Variants in CACNA1C observed in about 807,000 individuals in gnomAD.
CACNA1C encodes the protein calcium voltage-gated channel subunit alpha1 C.
A neutral mutation model predicts 229.0 loss-of-function variants in CACNA1C; 30 were observed. The ratio of observed to expected loss-of-function variants is 0.13; its 90% CI spans 0.10 to 0.18. The LOEUF (loss-of-function observed/expected upper bound fraction) is 0.18. Ranked by LOEUF, CACNA1C falls within the 10% of genes least tolerant of loss-of-function variation. The pLI, the probability that CACNA1C is intolerant of heterozygous loss-of-function variation, is 1.00. For missense variants in CACNA1C, 1,658 were observed against 2,845.0 expected (o/e 0.58, Z 9.49); for synonymous variants, 1,114 against 1,132.5 (o/e 0.98, Z 0.33).
At chr12:2,030,129 A>G (rs1012434994) in intron 1 of CACNA1C, among the ~76,000 whole-genome samples, 1 of 152,230 alleles carries the variant, frequency 6.6e-6, no homozygotes, top group Non-Finnish European at 1.5e-5. Flanking sequence ...AATATGTCAC[A>G]GTGTCATTTT....
chr12:2,585,938 G>C lies in CACNA1C; in HGVS notation c.2530+34G>C. The C allele has an allele frequency of 3.6e-6, 5 of 1,371,416 alleles. No homozygotes were observed. Among genetic ancestry groups the C allele is most frequent in the Non-Finnish European group, 5.0e-6 (5 of 990,246 alleles). 85.0% of individuals were successfully genotyped at this position (1,371,416 alleles called of 1,614,324 possible). ...CCCACTGCCTAACCTGGGATTGGGA[G>C]ATTGGGGGCAGAGATCTAAATTCTA... On this transcript the variant is annotated intron_variant, in intron 18 of 46. Coordinates refer to ENST00000399655, the MANE Select transcript of CACNA1C (RefSeq NM_000719.7). The surrounding 1 kb of genome is among the most constrained non-coding windows in gnomAD (Gnocchi z 4.1).
At chr12:2,550,912 G>C (rs2099899903) in intron 10 of CACNA1C, among the ~76,000 whole-genome samples, 1 of 152,240 alleles carries the variant, frequency 6.6e-6, no homozygotes, top group African/African-American at 2.4e-5. Flanking sequence ...TGGAGCTTCA[G>C]TATCACTCAC....
At chr12:2,089,531 G>A (rs1424553229) in intron 1 of CACNA1C, among the ~76,000 whole-genome samples, 7 of 152,294 alleles carry the variant, frequency 4.6e-5, no homozygotes, top group South Asian at 4.1e-4. Context: ...GCAACAGAGC[G>A]TGGTGACAGG....
In CACNA1C at chr12:2,409,237, A is replaced by C. The variant is rs559560868; in HGVS notation, c.478-39739A>C. Among the ~76,000 whole-genome samples the C allele has an allele frequency of 2.5e-4, 38 of 152,308 alleles. No individual in the cohort carries two copies. The South Asian group carries it at 7.5e-3, about 30-fold the overall frequency. On this transcript the variant is annotated intron_variant, in intron 3 of 46. Transcript: ENST00000399655. ...ACCCTGGTAAAAGCAATGGGCTTTG[A>C]ATTGGGATGTTTGGGTTCCGACCTA...
rs373508766 is a variant in CACNA1C, at chr12:2,565,329, C to T, written c.1509-1093C>T. Among the ~76,000 whole-genome samples, 243 of 151,666 alleles carry T rather than the reference C, an allele frequency of 1.6e-3. 1 individual carries two copies. The highest frequency in any genetic ancestry group is 9.8e-3 in the South Asian group (47 of 4,776). On this transcript the variant is annotated intron_variant, in intron 11 of 46. Transcript: ENST00000399655. ...AAAAATACAAAAAATTAGCCGGGCG[C>T]GGTGGCGGGCGCCTGTAGTCCCAGC... is the stretch of plus-strand genomic sequence containing the variant.
chr12:2,126,689 G>T (rs2090195456), intron 3 of CACNA1C, among the ~76,000 whole-genome samples: 1 of 152,184 alleles, frequency 6.6e-6, no homozygotes, highest in Non-Finnish European at 1.5e-5. Context: ...CGTCAGAGGG[G>T]CTTGAGCTAG....
chr12:2,563,755 C>G (rs1665185511), intron 11 of CACNA1C, among the ~76,000 whole-genome samples: 2 of 152,234 alleles, frequency 1.3e-5, no homozygotes, highest in South Asian at 4.1e-4. Flanking sequence ...TCCGTAACAG[C>G]CCAGGTTGGC....
At chr12:2,558,452 T>TTTACCTCTATACCTCAGCTGAGGACATG (rs2045723244) in intron 11 of CACNA1C, among the ~76,000 whole-genome samples, 3 of 152,238 alleles carry the variant, frequency 2.0e-5, no homozygotes, top group African/African-American at 4.8e-5. Context: ...GTTGGCCCAC[T>TTTACCTCTATACCTCAGCTGAGGACATG]GACTTTAGCA....
intron 1 of CACNA1C, among the ~76,000 whole-genome samples, chr12:2,063,271 T>C (rs1488547095): frequency 1.3e-5 from 2 of 151,876 alleles, no homozygotes; most frequent in Non-Finnish European, 2.9e-5. Flanking sequence ...CCTGCCTCAG[T>C]CTCCTGAGTA....
intron 4 of CACNA1C, among the ~76,000 whole-genome samples, chr12:2,451,662 G>C (rs1011601408): frequency 6.6e-6 from 1 of 152,150 alleles, no homozygotes; most frequent in South Asian, 2.1e-4. Flanking sequence ...CCTCACCTGC[G>C]GTCTGTCTGG....
chr12:2,654,331 G>A lies in CACNA1C; in HGVS notation c.4140+431G>A, dbSNP rs957084875. 6.6e-6 allele frequency among the ~76,000 whole-genome samples: 1 copy of A among 152,200 alleles called. No individual in the cohort carries two copies. Among genetic ancestry groups the A allele is most frequent in the African/African-American group, 2.4e-5 (1 of 41,454 alleles). ...CCAACCAGATTCATTTGAAGCTAATGGCTGAGAGGGAGGGAGGGAAGAAGG... is the reference window on the plus strand; with the variant it reads ...CCAACCAGATTCATTTGAAGCTAATAGCTGAGAGGGAGGGAGGGAAGAAGG... On this transcript the variant is annotated intron_variant, in intron 33 of 46. Transcript: ENST00000399655. The surrounding 1 kb of genome is among the most constrained non-coding windows in gnomAD (Gnocchi z 4.4).
intron 34 of CACNA1C, among the ~76,000 whole-genome samples, chr12:2,656,924 G>A (rs1208545851): frequency 2.0e-5 from 3 of 151,882 alleles, no homozygotes; most frequent in Non-Finnish European, 4.4e-5. Flanking sequence ...ATTAACAAAA[G>A]TATATATGTA....
chr12:2,407,363 C>T (rs2098750302), intron 3 of CACNA1C, among the ~76,000 whole-genome samples: 1 of 93,812 alleles, frequency 1.1e-5, no homozygotes, highest in South Asian at 4.4e-4. Context: ...CAGTGGACAT[C>T]GTCTCCACCG....
intron 1 of CACNA1C, among the ~76,000 whole-genome samples, chr12:2,035,205 A>G (rs2048917708): frequency 6.6e-6 from 1 of 152,252 alleles, no homozygotes; most frequent in African/African-American, 2.4e-5. Flanking sequence ...CTGCTGCTCC[A>G]GAACTGCCAC....
intron 3 of CACNA1C, among the ~76,000 whole-genome samples, chr12:2,364,125 C>T (rs1331576974): frequency 6.6e-6 from 1 of 152,224 alleles, no homozygotes; most frequent in Non-Finnish European, 1.5e-5. Context: ...TGATGTGAGT[C>T]TTCAGACCTA....
At chr12:2,539,068 T>C (rs1174773291) in intron 9 of CACNA1C, among the ~76,000 whole-genome samples, 2 of 152,252 alleles carry the variant, frequency 1.3e-5, no homozygotes, top group Non-Finnish European at 1.5e-5. Context: ...GCTCTCCCCT[T>C]GGGCACCTAA....
At chr12:2,265,728 G>A (rs1026489265) in intron 3 of CACNA1C, among the ~76,000 whole-genome samples, 3 of 152,176 alleles carry the variant, frequency 2.0e-5, no homozygotes, top group African/African-American at 7.2e-5. Flanking sequence ...ATGAAGACGC[G>A]GGGGCTCCAG....
At chr12:2,534,323 A>G (rs145286975) in intron 9 of CACNA1C, among the ~76,000 whole-genome samples, 100 of 152,298 alleles carry the variant, frequency 6.6e-4, no homozygotes, top group African/African-American at 2.3e-3. Flanking sequence ...GGTAGAGTGA[A>G]AGCGGATTGC....
rs397810542 is a variant in CACNA1C, at chr12:2,395,228, T to TA, written c.478-53745dup. On this transcript the variant is annotated intron_variant, in intron 3 of 46. Transcript: ENST00000399655. ...CTCTAGCTTTTTTTTTTTTTTTTTTTAAATATTTGAGACAGAGTCTTGCTT... is the reference window on the plus strand; with the variant it reads ...CTCTAGCTTTTTTTTTTTTTTTTTTTAAAATATTTGAGACAGAGTCTTGCTT... Among the ~76,000 whole-genome samples the TA allele has an allele frequency of 6.8e-5, 10 of 146,636 alleles. No individual in the cohort carries two copies. The East Asian group carries it at 8.0e-4, about 12-fold the overall frequency.
Sources: gnomAD v4.1 joint callset for allele counts (sites outside exome capture counted in the v4.1 genomes callset) on GRCh38, gnomAD v4.1.1 for gene constraint, Gnocchi (gnomAD v3.1) non-coding constraint, MANE v1.5 for transcripts, NCBI Gene and HGNC (gene_info 2026-07-23, HGNC 2026-07-21) for gene names.